TAS2R1: variants seen among roughly 807,000 people sequenced by gnomAD.
TAS2R1 encodes the protein taste receptor type 2 member 1.
For missense variants in TAS2R1, 370 were observed against 353.4 expected (o/e 1.05, Z -0.38); for synonymous variants, 141 against 134.2 (o/e 1.05, Z -0.35).
chr5:9,684,439 C>A (rs1189579352), intron 1 of TAS2R1, among the ~76,000 whole-genome samples: 1 of 152,142 alleles, frequency 6.6e-6, no homozygotes, highest in Non-Finnish European at 1.5e-5. Context: ...TTAACAGATA[C>A]AAAATTACAG....
chr5:9,636,187 T>C (rs1739960039), intron 2 of TAS2R1, among the ~76,000 whole-genome samples: 1 of 152,074 alleles, frequency 6.6e-6, no homozygotes, highest in Non-Finnish European at 1.5e-5. Context: ...CTCGATTTCA[T>C]TGTTGACCCA....
the TAS2R1 span, among the ~76,000 whole-genome samples, chr5:9,887,893 A>G: frequency 1.3e-5 from 2 of 152,164 alleles, no homozygotes; most frequent in Non-Finnish European, 1.5e-5. Context: ...GGAATCTCCA[A>G]AGCTAAGCAG....
chr5:9,662,569 G>A (rs1346358992), intron 1 of TAS2R1, among the ~76,000 whole-genome samples: 3 of 152,198 alleles, frequency 2.0e-5, no homozygotes, highest in Non-Finnish European at 4.4e-5. Flanking sequence ...TCTTACAGGT[G>A]CCTGAAAGAG....
intron 1 of TAS2R1, among the ~76,000 whole-genome samples, chr5:9,682,918 CATA>C (rs1485591497): frequency 6.6e-6 from 1 of 152,142 alleles, no homozygotes; most frequent in African/African-American, 2.4e-5. Flanking sequence ...TAGAAAATTA[CATA>C]ATATGAAATG....
At chr5:9,812,225 G>C in the TAS2R1 span, among the ~76,000 whole-genome samples, 1 of 152,100 alleles carries the variant, frequency 6.6e-6, no homozygotes, top group South Asian at 2.1e-4. Flanking sequence ...ATACTGTCTG[G>C]TTCGGAGAAA....
At chr5:9,797,815 C>T in the TAS2R1 span, among the ~76,000 whole-genome samples, 120 of 152,154 alleles carry the variant, frequency 7.9e-4, 1 homozygote, top group East Asian at 0.018. Context: ...AAAAAATCTA[C>T]GTAGATTTTA....
the TAS2R1 span, among the ~76,000 whole-genome samples, chr5:9,820,717 C>T: frequency 6.6e-6 from 1 of 152,198 alleles, no homozygotes; most frequent in Non-Finnish European, 1.5e-5. Context: ...CTTCAGTTCA[C>T]AGCAAACTCA....
At chr5:9,873,346 C>A in the TAS2R1 span, among the ~76,000 whole-genome samples, 4 of 152,010 alleles carry the variant, frequency 2.6e-5, no homozygotes, top group Non-Finnish European at 5.9e-5. Flanking sequence ...TCTGATTTCT[C>A]CTGGCCCCAC....
chr5:9,773,552 A>T, the TAS2R1 span, among the ~76,000 whole-genome samples: 149 of 152,304 alleles, frequency 9.8e-4, no homozygotes, highest in African/African-American at 3.3e-3. Context: ...GCTCATTAAC[A>T]TCCTTTTCTT....
the TAS2R1 span, among the ~76,000 whole-genome samples, chr5:9,875,189 T>C: frequency 1.3e-5 from 2 of 152,248 alleles, no homozygotes; most frequent in African/African-American, 4.8e-5. Context: ...TCAAATGACT[T>C]TGGGAACCAG....
chr5:9,653,122 G>C (rs537765243), intron 2 of TAS2R1, among the ~76,000 whole-genome samples: 1 of 152,064 alleles, frequency 6.6e-6, no homozygotes, highest in Admixed American at 6.5e-5. Flanking sequence ...TACGTTTTCC[G>C]AGTGGAATTA....
chr5:9,889,739 G>T, the TAS2R1 span: 1 of 152,200 alleles, frequency 6.6e-6, no homozygotes, highest in East Asian at 1.9e-4. Flanking sequence ...GGTCAGAAGG[G>T]GCAGAGTCTG....
At chr5:9,896,491 T>C in the TAS2R1 span, among the ~76,000 whole-genome samples, 3 of 152,152 alleles carry the variant, frequency 2.0e-5, no homozygotes, top group Non-Finnish European at 4.4e-5. Context: ...GCGAGCCTTG[T>C]CTCTGTTACT....
At chr5:9,649,331 C>A (rs574418160) in intron 2 of TAS2R1, among the ~76,000 whole-genome samples, 1 of 152,298 alleles carries the variant, frequency 6.6e-6, no homozygotes, top group East Asian at 1.9e-4. Flanking sequence ...GCCACTATTT[C>A]TTTTGGCCAT....
chr5:9,769,496 T>C, the TAS2R1 span, among the ~76,000 whole-genome samples: 1 of 152,212 alleles, frequency 6.6e-6, no homozygotes, highest in African/African-American at 2.4e-5. Context: ...CAAACTGTTC[T>C]CCATAATGGT....
At chr5:9,734,301 A>G in the TAS2R1 span, among the ~76,000 whole-genome samples, 1 of 152,220 alleles carries the variant, frequency 6.6e-6, no homozygotes, top group Admixed American at 6.5e-5. Flanking sequence ...AAGGTATTTT[A>G]TTATAGCAGC....
At chr5:9,843,760 A>C in the TAS2R1 span, among the ~76,000 whole-genome samples, 1 of 152,208 alleles carries the variant, frequency 6.6e-6, no homozygotes, top group Non-Finnish European at 1.5e-5. Context: ...ACAGGAATCC[A>C]AGCACAGTTT....
chr5:9,873,850 C>G, the TAS2R1 span, among the ~76,000 whole-genome samples: 1 of 123,792 alleles, frequency 8.1e-6, no homozygotes, highest in African/African-American at 3.1e-5. Flanking sequence ...GCCTGGGCAA[C>G]AGAGTGAGAC....
chr5:9,773,488 T>G, the TAS2R1 span, among the ~76,000 whole-genome samples: 3 of 152,178 alleles, frequency 2.0e-5, no homozygotes, highest in Non-Finnish European at 4.4e-5. Flanking sequence ...TTCTGTGTTT[T>G]TCTGTGTATT....
Sources: gnomAD v4.1 joint callset for allele counts (sites outside exome capture counted in the v4.1 genomes callset) on GRCh38, gnomAD v4.1.1 for gene constraint, MANE v1.5 for transcripts, NCBI Gene and HGNC (gene_info 2026-07-23, HGNC 2026-07-21) for gene names.